The following LTBP2 variants were observed in gnomAD, a reference collection of about 807,000 sequenced individuals.
LTBP2 encodes the protein latent-transforming growth factor beta-binding protein 2.
A neutral mutation model predicts 210.6 loss-of-function variants in LTBP2; 103 were observed. The ratio of observed to expected loss-of-function variants is 0.49; its 90% CI spans 0.42 to 0.58. The LOEUF is 0.58. Ranked by LOEUF, LTBP2 falls within the 20% of genes least tolerant of loss-of-function variation. The probability of loss-of-function intolerance (pLI) is 0.00; values close to 1 mark genes in which losing one functional copy is unlikely to be tolerated. For missense variants in LTBP2, 2,313 were observed against 2,494.5 expected, an observed-to-expected ratio of 0.93 and a Z score of 1.55; for synonymous variants, 1,007 against 1,015.0, an observed-to-expected ratio of 0.99 and a Z score of 0.15.
intron 3 of LTBP2, among the ~76,000 whole-genome samples, chr14:74,570,973 T>TA (rs1566644082): frequency 6.6e-6 from 1 of 151,284 alleles, no homozygotes; most frequent in Non-Finnish European, 1.5e-5. Context: ...TAAGAGTGGG[T>TA]ACGGTGAGAC....
intron 3 of LTBP2, among the ~76,000 whole-genome samples, chr14:74,575,200 C>G (rs767292673): frequency 9.2e-5 from 14 of 152,326 alleles, no homozygotes; most frequent in South Asian, 2.1e-4. Flanking sequence ...ACCTGTACCC[C>G]CTAAGGCCAG....
rs549156119 is a variant in LTBP2 at position 74,501,003 on chromosome 14, C to G, written c.5347G>C (p.Gly1783Arg). 1.9e-6 allele frequency: 3 copies of G among 1,613,972 alleles called. No homozygotes were observed. The highest frequency in any genetic ancestry group is 2.5e-6 in the Non-Finnish European group (3 of 1,179,936). The change falls in exon 36 of 36, where the codon GGG becomes CGG. Residue 1783 changes from glycine (G) to arginine (R), a missense_variant. Coordinates refer to ENST00000261978, the MANE Select transcript of LTBP2 (RefSeq NM_000428.3). ...VDVNECDDLN[G>R]PAVLCVHGYC... Reference sequence around the variant, plus strand: ...CCATGGACACAGAGCACAGCAGGCCCGTTCAAGTCATCACACTCATTCACA... The same window carrying G: ...CCATGGACACAGAGCACAGCAGGCCGGTTCAAGTCATCACACTCATTCACA...
rs755251605 is a variant in LTBP2 at position 74,555,676 on chromosome 14, C to A, written c.848G>T (p.Ser283Ile). The A allele has an allele frequency of 1.3e-6, 2 of 1,555,608 alleles. No homozygotes were observed. The highest frequency in any genetic ancestry group is 1.7e-6 in the Non-Finnish European group (2 of 1,146,350). ...GTGCTGCTGGGAAGGGTGGGTCTGG[C>A]TGAGGCCACTCAGGGTCCTGTGGAG... ...SPPAGTLSGL[S>I]QTHPSQQHVG... The change falls in exon 4 of 36, where the codon AGC becomes ATC. Residue 283 changes from serine to isoleucine, a missense_variant. By Grantham distance (142) the Ser-to-Ile change is moderately radical (BLOSUM62 -2). Transcript: ENST00000261978.
intron 2 of LTBP2, among the ~76,000 whole-genome samples, chr14:74,599,077 C>T (rs1325915236): frequency 6.6e-6 from 1 of 152,206 alleles, no homozygotes; most frequent in African/African-American, 2.4e-5. Context: ...TAAGAGCTAT[C>T]GCGTTCATAT....
chr14:74,509,045 C>T, intron 22 of LTBP2, 93 bp from the exon 23 acceptor site: 1 of 1,588,036 alleles, frequency 6.3e-7, no homozygotes. Flanking sequence ...CTGTCACCTG[C>T]CTGCAGAGCT....
At position 74,528,576 on chromosome 14, in the gene LTBP2, T is replaced by C. The variant is rs758832522; in HGVS notation, c.2275A>G (p.Arg759Gly). 16 of 1,613,476 alleles carry C rather than the reference T, an allele frequency of 9.9e-6. No individual in the cohort carries two copies. In the South Asian group the frequency reaches 1.6e-4, roughly 17 times the overall value. The change falls in exon 12 of 36, where the codon AGG becomes GGG. Residue 759 changes from arginine (R) to glycine (G), a missense_variant. This residue lies in a region of LTBP2 where 1,867 missense variants were observed against 1,976.9 expected (regional missense o/e 0.94). Coordinates refer to ENST00000261978, the MANE Select transcript of LTBP2 (RefSeq NM_000428.3). ...GGCCCGGGCAGTGCCCCGCTGCTCC[T>C]CTGCCCTTGCTCCCTTGGGGGCCTT... is the stretch of plus-strand genomic sequence containing the variant. ...LARPPREQGQ[R>G]SSGALPGPAE...
intron 2 of LTBP2, among the ~76,000 whole-genome samples, chr14:74,588,810 G>A (rs1004216702): frequency 6.6e-6 from 1 of 152,186 alleles, no homozygotes; most frequent in South Asian, 2.1e-4. Context: ...GAAGCTCAGA[G>A]AGGTTAAGAG....
chr14:74,502,090 A>G, intron 34 of LTBP2: 2 of 278,962 alleles, frequency 7.2e-6, no homozygotes, highest in Non-Finnish European at 1.4e-5. Flanking sequence ...AAAAGGCCAC[A>G]CCCTACCCAG....
At chr14:74,529,239 A>C (rs1259162225) in intron 10 of LTBP2, 117 bp from the exon 11 acceptor site, 2 of 1,238,578 alleles carry the variant, frequency 1.6e-6, no homozygotes, top group East Asian at 5.1e-5. Flanking sequence ...GGCCTGGCCC[A>C]TATCTCAGTT....
chr14:74,541,404 C>T (rs182540670), intron 8 of LTBP2, among the ~76,000 whole-genome samples: 6 of 152,228 alleles, frequency 3.9e-5, no homozygotes, highest in Admixed American at 1.3e-4. Context: ...AGGCTTTACA[C>T]GAATTAACTT....
Position 74,503,287 on chromosome 14 carries a change from G to A in LTBP2, c.4820C>T (p.Thr1607Met), listed in dbSNP as rs534435382. ...EPLRGHRTTY[T>M]ECCCQDGEAW... ...CTCGCCGTCCTGGCAGCAGCATTCC[G>A]TGTAGGTGGTGCGGTGCCCACGCAG... is the stretch of plus-strand genomic sequence containing the variant. Residue 1607 changes from threonine to methionine, a missense_variant, in exon 33 of 36, where the codon ACG (threonine) becomes ATG (methionine). Physicochemically the swap from Thr to Met is moderately conservative, Grantham distance 81. Around this residue, in one of 3 missense-constraint regions of LTBP2, gnomAD observed 443 missense variants for 501.4 expected, o/e 0.88. Coordinates refer to ENST00000261978, the MANE Select transcript of LTBP2 (RefSeq NM_000428.3). 6.2e-6 allele frequency: 10 copies of A among 1,614,084 alleles called. No homozygotes were observed. Among genetic ancestry groups the A allele is most frequent in the Admixed American group, 1.7e-5 (1 of 60,034 alleles).
chr14:74,533,485 C>T (rs1399516041), intron 9 of LTBP2, among the ~76,000 whole-genome samples: 2 of 152,150 alleles, frequency 1.3e-5, no homozygotes, highest in African/African-American at 4.8e-5. Context: ...TCTGCAGGCC[C>T]CAAGACCCTG....
rs985421750 is a variant in LTBP2 at position 74,504,026 on chromosome 14, A to G, written c.4482T>C (p.Pro1494=). 6.2e-7 allele frequency: 1 copy of G among 1,614,076 alleles called. No homozygotes were observed. The highest frequency in any genetic ancestry group is 8.5e-7 in the Non-Finnish European group (1 of 1,180,010). Residue 1494 remains proline, a synonymous_variant, in exon 31 of 36, where the codon CCT becomes CCC. Coordinates refer to ENST00000261978, the MANE Select transcript of LTBP2 (RefSeq NM_000428.3). Reference sequence around the variant, plus strand: ...GGCACCGGCCGTTCGGGCAGAGACCAGGCCCGAATATCACACACTCATCCG... The same window carrying G: ...GGCACCGGCCGTTCGGGCAGAGACCGGGCCCGAATATCACACACTCATCCG... ...TDADECVIFG[P]GLCPNGRCLN... is the part of the protein sequence containing the mutation.
chr14:74,503,752 T>A (rs2086946871), intron 31 of LTBP2, 146 bp from the exon 32 acceptor site: 1 of 1,427,734 alleles, frequency 7.0e-7, no homozygotes, highest in Non-Finnish European at 9.5e-7. Flanking sequence ...AAGGCCCTCC[T>A]GGGGACAATC....
chr14:74,611,442 C>T lies in LTBP2; in HGVS notation c.494+9G>A. 6.7e-7 allele frequency: 1 copy of T among 1,483,542 alleles called. No homozygotes were observed. Among genetic ancestry groups the T allele is most frequent in the South Asian group, 1.4e-5 (1 of 71,894 alleles). The allele number at this position is 1,483,542 out of a possible 1,614,324, so 91.9% of individuals were successfully genotyped here. ...CTGTACCCTCCAAACTTCCCTCTCCCATGCTCACCCCGTGAGCCGCCCTCG... is the reference window on the plus strand; with the variant it reads ...CTGTACCCTCCAAACTTCCCTCTCCTATGCTCACCCCGTGAGCCGCCCTCG... On this transcript the variant is annotated intron_variant, in intron 1 of 35. Coordinates refer to ENST00000261978, the MANE Select transcript of LTBP2 (RefSeq NM_000428.3).
intron 2 of LTBP2, among the ~76,000 whole-genome samples, chr14:74,602,962 G>A (rs968001317): frequency 1.1e-4 from 17 of 152,210 alleles, no homozygotes; most frequent in African/African-American, 3.9e-4. Flanking sequence ...TGTGGGATGC[G>A]GAGGCTCTGG....
At position 74,611,809 on chromosome 14, in the gene LTBP2, C is replaced by A. The variant is rs2088616698; in HGVS notation, c.136G>T (p.Ala46Ser). The A allele has an allele frequency of 6.2e-7, 1 of 1,611,706 alleles. No homozygotes were observed. Among genetic ancestry groups the A allele is most frequent in the Non-Finnish European group, 8.5e-7 (1 of 1,179,672 alleles). ...CGCAGTCGATTCGCGTCTCCACCAG[C>A]CGGCTCGTATCTCCCTACGGGGTCC... Reference protein sequence around the residue: ...QRDPVGRYEPAGGDANRLRRP... With the variant: ...QRDPVGRYEPSGGDANRLRRP... The change falls in exon 1 of 36, where the codon GCT becomes TCT. Residue 46 changes from alanine to serine, a missense_variant. This residue lies in a region of LTBP2 where 1,867 missense variants were observed against 1,976.9 expected (regional missense o/e 0.94). Transcript: ENST00000261978.
chr14:74,530,610 G>A lies in LTBP2; in HGVS notation c.1988-1488C>T, dbSNP rs541154540. On this transcript the variant is annotated intron_variant, in intron 10 of 35. Transcript: ENST00000261978. The stretch of plus-strand genomic sequence containing the variant: ...GGCTCACTGCAACCTTTGCCTCTGG[G>A]GCTCAAGCCATCCTTCCACTTCAGC... Among the ~76,000 whole-genome samples, 186 of 152,290 alleles carry A rather than the reference G, an allele frequency of 1.2e-3. 2 individuals are homozygous for A. In the South Asian group the frequency reaches 0.017, roughly 14 times the overall value.
intron 21 of LTBP2, 123 bp from the exon 22 acceptor site, chr14:74,509,486 ACG>A: frequency 7.0e-7 from 1 of 1,428,762 alleles, no homozygotes; most frequent in South Asian, 1.2e-5. Context: ...CCTCCCTAGA[ACG>A]CTCCCAGGAC....
Sources: gnomAD v4.1 joint callset for allele counts (sites outside exome capture counted in the v4.1 genomes callset) on GRCh38, gnomAD v4.1.1 for gene constraint, gnomAD v4.1.1 regional missense constraint, MANE v1.5 for transcripts, NCBI Gene and HGNC (gene_info 2026-07-23, HGNC 2026-07-21) for gene names.